Variants in SLC35E2B observed in about 807,000 individuals in gnomAD.
SLC35E2B encodes solute carrier family 35, member E2B.
In SLC35E2B, 18 loss-of-function variants were observed where a neutral mutation model predicts 32.4. The observed-to-expected ratio is 0.56, with a 90% CI of 0.38 to 0.82. The LOEUF is 0.82. Among genes scored for constraint, SLC35E2B ranks in the 40% least tolerant of loss-of-function variants. SLC35E2B has a pLI of 0.00. For synonymous variants in SLC35E2B, 132 were observed against 209.1 expected, an observed-to-expected ratio of 0.63 and a Z score of 3.18; for missense variants, 263 against 469.5, an observed-to-expected ratio of 0.56 and a Z score of 4.06.
intron 9 of SLC35E2B, among the ~76,000 whole-genome samples, chr1:1,666,835 G>A (rs922043595): frequency 5.9e-5 from 9 of 151,960 alleles, no homozygotes; most frequent in Admixed American, 1.3e-4. Flanking sequence ...GCCGGGCGCC[G>A]TGGCTCACGC....
intron 9 of SLC35E2B, among the ~76,000 whole-genome samples, chr1:1,666,757 T>G (rs1229925338): frequency 6.8e-6 from 1 of 148,032 alleles, no homozygotes; most frequent in Non-Finnish European, 1.5e-5. Context: ...TGGGGGCTCA[T>G]GTGTATAACC....
intron 2 of SLC35E2B, among the ~76,000 whole-genome samples, chr1:1,681,540 T>G (rs1009757295): frequency 6.6e-6 from 1 of 151,292 alleles, no homozygotes; most frequent in African/African-American, 2.4e-5. Flanking sequence ...GGACTCTTAC[T>G]CTGTCGCCCA....
At chr1:1,687,995 A>G (rs1643972081) in intron 2 of SLC35E2B, among the ~76,000 whole-genome samples, 1 of 152,100 alleles carries the variant, frequency 6.6e-6, no homozygotes, top group Non-Finnish European at 1.5e-5. Context: ...CTGTGGTGGG[A>G]AAGACACCAG....
At chr1:1,684,095 C>A (rs576055344) in intron 2 of SLC35E2B, among the ~76,000 whole-genome samples, 1 of 152,242 alleles carries the variant, frequency 6.6e-6, no homozygotes, top group African/African-American at 2.4e-5. Flanking sequence ...GACCCGTGGG[C>A]CGCAGGGTAG....
intron 2 of SLC35E2B, among the ~76,000 whole-genome samples, chr1:1,681,193 T>G: frequency 6.6e-6 from 1 of 151,934 alleles, no homozygotes; most frequent in Non-Finnish European, 1.5e-5. Context: ...AGACCTTTCT[T>G]TCCTTTTCCT....
In SLC35E2B at chr1:1,669,744, T is replaced by C; in HGVS notation, c.762-8A>G. 6.5e-7 allele frequency: 1 copy of C among 1,547,022 alleles called. No individual in the cohort carries two copies. Among genetic ancestry groups the C allele is most frequent in the Non-Finnish European group, 8.7e-7 (1 of 1,145,314 alleles). The stretch of plus-strand genomic sequence containing the variant: ...AACTGCAGCTCCGGGGCCCTGTGGG[T>C]GACAGAACACGCTGGGCCCCCCGTG... On this transcript the variant is annotated splice_polypyrimidine_tract_variant and splice_region_variant and intron_variant, in intron 7 of 9. Coordinates refer to ENST00000617444, the MANE Select transcript of SLC35E2B (RefSeq NM_001290264.2).
At chr1:1,680,733 G>A (rs1643893334) in intron 2 of SLC35E2B, among the ~76,000 whole-genome samples, 1 of 151,640 alleles carries the variant, frequency 6.6e-6, no homozygotes, top group African/African-American at 2.4e-5. Flanking sequence ...GGCCGCAGGA[G>A]GAGGCGATAT....
At position 1,665,772 on chromosome 1, in the gene SLC35E2B, C is replaced by A. The variant is rs1055490205; in HGVS notation, c.*10G>T. On this transcript the variant is annotated 3_prime_UTR_variant, in exon 10 of 10. Coordinates refer to ENST00000617444, the MANE Select transcript of SLC35E2B (RefSeq NM_001290264.2). ...TCACGAGGACAGCAGCAGCTGGCAG[C>A]TTCCTGCTCTCAGGGATGCTGCCTG... is the stretch of plus-strand genomic sequence containing the variant. 5.2e-6 allele frequency: 8 copies of A among 1,548,716 alleles called. No homozygotes were observed. The Admixed American group carries it at 1.6e-4, about 30-fold the overall frequency.
chr1:1,669,030 A>G (rs1471236809), intron 8 of SLC35E2B, among the ~76,000 whole-genome samples: 11 of 152,028 alleles, frequency 7.2e-5, no homozygotes, highest in African/African-American at 2.7e-4. Flanking sequence ...ATTATTATAT[A>G]ATCCAGCACT....
At chr1:1,684,852 TC>T (rs1389512516) in intron 2 of SLC35E2B, among the ~76,000 whole-genome samples, 1 of 138,436 alleles carries the variant, frequency 7.2e-6, no homozygotes, top group Non-Finnish European at 1.5e-5. Context: ...CCACCTGTAA[TC>T]CCAGCACTTT....
chr1:1,682,495 G>T (rs570010759), intron 2 of SLC35E2B, among the ~76,000 whole-genome samples: 1 of 152,130 alleles, frequency 6.6e-6, no homozygotes, highest in African/African-American at 2.4e-5. Context: ...CAAACCCACC[G>T]GAGCGGGGGA....
chr1:1,689,174 A>C (rs1643991081), intron 2 of SLC35E2B, among the ~76,000 whole-genome samples: 2 of 152,094 alleles, frequency 1.3e-5, no homozygotes, highest in Admixed American at 1.3e-4. Context: ...TGTCTCAAAA[A>C]AAAACAAACA....
At chr1:1,666,755 CAT>C (rs1342215965) in intron 9 of SLC35E2B, among the ~76,000 whole-genome samples, 4 of 151,084 alleles carry the variant, frequency 2.6e-5, no homozygotes, top group East Asian at 3.9e-4. Flanking sequence ...CGTGGGGGCT[CAT>C]GTGTATAACC....
intron 8 of SLC35E2B, among the ~76,000 whole-genome samples, chr1:1,668,756 A>C (rs1643608580): frequency 6.6e-6 from 1 of 152,180 alleles, no homozygotes; most frequent in South Asian, 2.1e-4. Context: ...ATCATCAGGA[A>C]AATGCAACAG....
chr1:1,665,712 G>A lies in SLC35E2B; in HGVS notation c.*70C>T, dbSNP rs1258038241. The A allele has an allele frequency of 6.6e-7, 1 of 1,522,882 alleles. No individual in the cohort carries two copies. Among genetic ancestry groups the A allele is most frequent in the Admixed American group, 2.0e-5 (1 of 49,732 alleles). 94.3% of individuals were successfully genotyped at this position (1,522,882 alleles called of 1,614,324 possible). On this transcript the variant is annotated 3_prime_UTR_variant, in exon 10 of 10. Coordinates refer to ENST00000617444, the MANE Select transcript of SLC35E2B (RefSeq NM_001290264.2). ...CCTGCACCCCAGCAGGGCCATGGAG[G>A]AGGGCGTCCCTGCCCATTTCTGGGG...
intron 9 of SLC35E2B, among the ~76,000 whole-genome samples, chr1:1,666,985 A>G (rs1158075324): frequency 5.4e-5 from 6 of 111,984 alleles, no homozygotes; most frequent in Admixed American, 9.3e-5. Flanking sequence ...CACGCCTGTA[A>G]TCCCAGCTAC....
intron 2 of SLC35E2B, among the ~76,000 whole-genome samples, chr1:1,679,827 C>T (rs1318346698): frequency 8.1e-6 from 1 of 123,700 alleles, no homozygotes; most frequent in Non-Finnish European, 1.7e-5. Flanking sequence ...GCGAGACTCC[C>T]GTCAAAAAAA....
At chr1:1,682,847 C>T (rs1643912193) in intron 2 of SLC35E2B, among the ~76,000 whole-genome samples, 1 of 152,028 alleles carries the variant, frequency 6.6e-6, no homozygotes, top group South Asian at 2.1e-4. Context: ...ACTTTGGAGG[C>T]AGGTGGATCA....
In SLC35E2B at chr1:1,679,888, T is replaced by C. The variant is rs1643885465; in HGVS notation, c.-147-3042A>G. ...TGGCTCACACCTGTAATCCCAGCACTTTGGGAGGCCGAGGAGGGTGGATCA... is the reference window on the plus strand; with the variant it reads ...TGGCTCACACCTGTAATCCCAGCACCTTGGGAGGCCGAGGAGGGTGGATCA... On this transcript the variant is annotated intron_variant, in intron 2 of 9. Coordinates refer to ENST00000617444, the MANE Select transcript of SLC35E2B (RefSeq NM_001290264.2). 2.0e-5 allele frequency among the ~76,000 whole-genome samples: 3 copies of C among 149,716 alleles called. No individual in the cohort carries two copies. In the South Asian group the frequency reaches 6.3e-4, roughly 32 times the overall value.
Sources: gnomAD v4.1 joint callset for allele counts (sites outside exome capture counted in the v4.1 genomes callset) on GRCh38, gnomAD v4.1.1 for gene constraint, MANE v1.5 for transcripts, NCBI Gene and HGNC (gene_info 2026-07-23, HGNC 2026-07-21) for gene names.